Variants in RASAL2 observed in about 807,000 individuals in gnomAD.
RASAL2 encodes ras GTPase-activating protein nGAP.
Under a neutral mutation model 128.9 loss-of-function variants are expected in RASAL2, and 58 were observed. The ratio of observed to expected loss-of-function variants is 0.45; its 90% CI spans 0.36 to 0.56. The LOEUF is 0.56. Among genes scored for constraint, RASAL2 ranks in the 20% least tolerant of loss-of-function variants. The pLI, the probability that RASAL2 is intolerant of heterozygous loss-of-function variation, is 0.00. For missense variants in RASAL2, 1,360 were observed against 1,601.6 expected (o/e 0.85, Z 2.57); for synonymous variants, 561 against 580.8 (o/e 0.97, Z 0.49).
At chr1:178,411,665 C>T in intron 4 of RASAL2, 1 of 816,666 alleles carries the variant, frequency 1.2e-6, no homozygotes, top group Non-Finnish European at 2.2e-6. Context: ...ATCTTTGCAA[C>T]CTTCAGTGAC....
chr1:178,436,663 G>T (rs1208402393), intron 5 of RASAL2, among the ~76,000 whole-genome samples: 2 of 152,116 alleles, frequency 1.3e-5, no homozygotes, highest in Non-Finnish European at 2.9e-5. Context: ...GCTTCTAGTA[G>T]GGGCATGGGA....
intron 1 of RASAL2, among the ~76,000 whole-genome samples, chr1:178,207,757 T>C (rs912150175): frequency 6.6e-6 from 1 of 152,194 alleles, no homozygotes; most frequent in South Asian, 2.1e-4. Flanking sequence ...AGTAACATGA[T>C]AATATCCTCT....
intron 3 of RASAL2, among the ~76,000 whole-genome samples, chr1:178,343,132 G>A (rs766884569): frequency 1.1e-4 from 17 of 152,192 alleles, no homozygotes; most frequent in Non-Finnish European, 2.1e-4. Flanking sequence ...TATAAGCACA[G>A]TAAAGGGATG....
intron 1 of RASAL2, among the ~76,000 whole-genome samples, chr1:178,258,354 T>C (rs1171560387): frequency 6.7e-6 from 1 of 149,890 alleles, no homozygotes; most frequent in Admixed American, 6.6e-5. Flanking sequence ...AAGAAAAAAT[T>C]TGCAAATTAA....
At position 178,156,312 on chromosome 1, in the gene RASAL2, T is replaced by G. The variant is rs113034144; in HGVS notation, c.202+61618T>G. Reference sequence around the variant, plus strand: ...CTCTCATTTATTAAACTTTATATGTTATAAAAATTATCTCTAAGTAAGGAT... The same window carrying G: ...CTCTCATTTATTAAACTTTATATGTGATAAAAATTATCTCTAAGTAAGGAT... On this transcript the variant is annotated intron_variant, in intron 1 of 17. Transcript: ENST00000367649. 4.2e-3 allele frequency among the ~76,000 whole-genome samples: 641 copies of G among 152,340 alleles called. 3 individuals carry two copies. Among genetic ancestry groups the G allele is most frequent in the African/African-American group, 0.014 (584 of 41,574 alleles).
intron 1 of RASAL2, among the ~76,000 whole-genome samples, chr1:178,162,319 A>G (rs988453792): frequency 1.6e-5 from 2 of 128,086 alleles, no homozygotes; most frequent in Admixed American, 9.4e-5. Context: ...AATGTATTAT[A>G]TATTATATTT....
intron 3 of RASAL2, among the ~76,000 whole-genome samples, chr1:178,340,128 A>G (rs1224475107): frequency 6.6e-6 from 1 of 152,170 alleles, no homozygotes; most frequent in African/African-American, 2.4e-5. Context: ...CCTCATTTTA[A>G]TGTGTATAAT....
chr1:178,282,578 A>G (rs1666835539), intron 1 of RASAL2, among the ~76,000 whole-genome samples: 1 of 152,216 alleles, frequency 6.6e-6, no homozygotes, highest in Non-Finnish European at 1.5e-5. Context: ...AAATACTCAT[A>G]TAATAGATAT....
intron 5 of RASAL2, among the ~76,000 whole-genome samples, chr1:178,431,438 C>T (rs898000046): frequency 1.3e-5 from 2 of 151,998 alleles, no homozygotes; most frequent in African/African-American, 4.8e-5. Context: ...GAAGTTCAGC[C>T]ACATCTCATG....
chr1:178,136,792 AAAGAT>A (rs1333134947), intron 1 of RASAL2, among the ~76,000 whole-genome samples: 4 of 150,436 alleles, frequency 2.7e-5, no homozygotes, highest in African/African-American at 4.9e-5. Flanking sequence ...AAAAAGATGA[AAAGAT>A]AAGACAACCA....
chr1:178,216,531 T>C (rs1420997440), intron 1 of RASAL2, among the ~76,000 whole-genome samples: 1 of 152,240 alleles, frequency 6.6e-6, no homozygotes, highest in East Asian at 1.9e-4. Context: ...ACCAACCAAT[T>C]ATCGTAAAAA....
Position 178,364,338 on chromosome 1 carries a change from AAG to A in RASAL2, c.458-25760_458-25759del, listed in dbSNP as rs142215300. Among the ~76,000 whole-genome samples the A allele has an allele frequency of 3.6e-3, 547 of 152,332 alleles. 4 individuals are homozygous for A. The highest frequency in any genetic ancestry group is 0.019 in the East Asian group (98 of 5,182). Reference sequence around the variant, plus strand: ...TAGTTCTGAGTGTCGGCTCTGGAATAAGAATATCTAAGTCTTCACCCAACCTC... The same window carrying A: ...TAGTTCTGAGTGTCGGCTCTGGAATAAATATCTAAGTCTTCACCCAACCTC... On this transcript the variant is annotated intron_variant, in intron 3 of 17. Transcript: ENST00000367649.
At chr1:178,425,389 A>G (rs1572051295) in intron 5 of RASAL2, among the ~76,000 whole-genome samples, 1 of 152,178 alleles carries the variant, frequency 6.6e-6, no homozygotes, top group Non-Finnish European at 1.5e-5. Context: ...AGAAACAAAT[A>G]TGAACTCCAT....
Position 178,442,816 on chromosome 1 carries a change from A to G in RASAL2, c.1069A>G (p.Asn357Asp), listed in dbSNP as rs753654100. The change falls in exon 8 of 18, where the codon AAT becomes GAT. Residue 357 changes from asparagine (N) to aspartate (D), a missense_variant. Physicochemically the swap from Asn to Asp is conservative, Grantham distance 23. Transcript: ENST00000367649. ...TACAACCAGCAAGACCAAAGCAGAC[A>G]ATATTTTCTGGGGCGAACATTTTGA... ...ARTTSKTKADNIFWGEHFEFF... is the reference protein window; with the variant it reads ...ARTTSKTKADDIFWGEHFEFF... The G allele has an allele frequency of 4.3e-6, 7 of 1,613,908 alleles. No homozygotes were observed. The highest frequency in any genetic ancestry group is 1.1e-5 in the South Asian group (1 of 91,082).
intron 3 of RASAL2, among the ~76,000 whole-genome samples, chr1:178,385,157 T>G (rs1275298698): frequency 6.6e-6 from 1 of 152,194 alleles, no homozygotes; most frequent in Non-Finnish European, 1.5e-5. Flanking sequence ...TTCAAAATCC[T>G]GAAAAGAAAA....
intron 1 of RASAL2, among the ~76,000 whole-genome samples, chr1:178,210,289 CAT>C (rs755687445): frequency 6.6e-6 from 1 of 152,120 alleles, no homozygotes; most frequent in Non-Finnish European, 1.5e-5. Flanking sequence ...ATATTGTAAA[CAT>C]ATAATTATAT....
intron 14 of RASAL2, among the ~76,000 whole-genome samples, chr1:178,462,761 A>C (rs1317498460): frequency 1.3e-5 from 2 of 152,182 alleles, no homozygotes; most frequent in Non-Finnish European, 2.9e-5. Context: ...TTTGACCAAC[A>C]AAATAGTAGA....
intron 3 of RASAL2, among the ~76,000 whole-genome samples, chr1:178,327,369 A>G (rs1034974444): frequency 6.6e-6 from 1 of 152,040 alleles, no homozygotes; most frequent in African/African-American, 2.4e-5. Flanking sequence ...ATTTCGAGAA[A>G]GGGTCTTACT....
chr1:178,447,116 A>G (rs1312067091), intron 9 of RASAL2, among the ~76,000 whole-genome samples: 1 of 152,192 alleles, frequency 6.6e-6, no homozygotes, highest in Non-Finnish European at 1.5e-5. Flanking sequence ...GAGCCACTGA[A>G]AGTTTTGAGC....
Sources: allele counts gnomAD v4.1 joint callset (sites outside exome capture counted in the v4.1 genomes callset), GRCh38; gene constraint gnomAD v4.1.1; transcripts MANE v1.5; gene names NCBI Gene and HGNC (gene_info 2026-07-23, HGNC 2026-07-21).